TRDMT1: variants seen among roughly 807,000 people sequenced by gnomAD.
TRDMT1 encodes the protein tRNA (cytosine(38)-C(5))-methyltransferase.
Under a neutral mutation model 51.2 loss-of-function variants are expected in TRDMT1, and 49 were observed. The observed-to-expected ratio is 0.96, with a 90% CI of 0.76 to 1.21. TRDMT1 has a LOEUF of 1.21. Ranked by LOEUF, TRDMT1 falls within the 50% of genes most tolerant of loss-of-function variation. The pLI is 0.00. For synonymous variants in TRDMT1, 187 were observed against 164.6 expected (o/e 1.14, Z -1.04); for missense variants, 534 against 462.3 (o/e 1.16, Z -1.42).
chr10:17,173,650 A>G (rs35630951), intron 2 of TRDMT1, among the ~76,000 whole-genome samples: 43,639 of 152,058 alleles, frequency 0.29, 6,476 homozygotes, highest in Middle Eastern at 0.39. Flanking sequence ...TCGAAACTCA[A>G]ACTGCCCACT....
intron 7 of TRDMT1, among the ~76,000 whole-genome samples, 171 bp from the exon 8 acceptor site, chr10:17,157,955 A>T (rs1839792458): frequency 6.6e-6 from 1 of 152,206 alleles, no homozygotes. Flanking sequence ...CACGTTATTA[A>T]TCATATAGCT....
chr10:17,149,169 A>G lies in TRDMT1; in HGVS notation c.1076-29T>C, dbSNP rs763252735. On this transcript the variant is annotated intron_variant, in intron 10 of 10. Coordinates refer to ENST00000377799, the MANE Select transcript of TRDMT1 (RefSeq NM_004412.7). ...AAAAGACAAAGAACAATTTAAAGAA[A>G]TCATTTGTAATCACAATTTCCAGAG... The G allele has an allele frequency of 6.5e-6, 10 of 1,527,490 alleles. No individual in the cohort carries two copies. In the South Asian group the frequency reaches 1.0e-4, roughly 16 times the overall value. The allele number at this position is 1,527,490 out of a possible 1,614,324, so 94.6% of individuals were successfully genotyped here. A position where few individuals can be genotyped will look rare whatever the true frequency, so the allele number is the denominator to read the frequency against.
intron 8 of TRDMT1, among the ~76,000 whole-genome samples, chr10:17,157,176 G>A (rs547482207): frequency 2.8e-4 from 42 of 152,056 alleles, no homozygotes; most frequent in Non-Finnish European, 4.1e-4. Context: ...TCTCCACTAC[G>A]GGTATTTAAG....
At chr10:17,154,625 C>T in intron 9 of TRDMT1, 52 bp downstream of exon 9, 1 of 1,439,602 alleles carries the variant, frequency 6.9e-7, no homozygotes. Context: ...AAGTATTAAA[C>T]AATTTTAGTT....
At chr10:17,160,832 C>T (rs534756872) in intron 5 of TRDMT1, among the ~76,000 whole-genome samples, 1 of 152,254 alleles carries the variant, frequency 6.6e-6, no homozygotes, top group Non-Finnish European at 1.5e-5. Context: ...AATGACCCTA[C>T]GTTTTTACTA....
Position 17,145,891 on chromosome 10 carries a change from T to C in TRDMT1, c.*3149A>G, listed in dbSNP as rs1460899686. ...TCTGCTATGGCTAAAATTAAATCAGTTGTATTTATCTTTAGTTCATTTCTC... is the reference window on the plus strand; with the variant it reads ...TCTGCTATGGCTAAAATTAAATCAGCTGTATTTATCTTTAGTTCATTTCTC... On this transcript the variant is annotated 3_prime_UTR_variant, in exon 11 of 11. Coordinates refer to ENST00000377799, the MANE Select transcript of TRDMT1 (RefSeq NM_004412.7). The C allele has an allele frequency of 3.0e-6, 3 of 985,292 alleles. No individual in the cohort carries two copies. The highest frequency in any genetic ancestry group is 3.6e-6 in the Non-Finnish European group (3 of 829,920). 61.0% of individuals were successfully genotyped at this position (985,292 alleles called of 1,614,324 possible). A position where few individuals can be genotyped will look rare whatever the true frequency, so the allele number is the denominator to read the frequency against.
In TRDMT1 at chr10:17,148,112, C is replaced by A; in HGVS notation, c.*928G>T. Reference sequence around the variant, plus strand: ...TGCAAGACTTAGTTTGATTAGAAACCCTAATTCCAAGAGGTCTGCTGAGGA... The same window carrying A: ...TGCAAGACTTAGTTTGATTAGAAACACTAATTCCAAGAGGTCTGCTGAGGA... On this transcript the variant is annotated 3_prime_UTR_variant, in exon 11 of 11. Transcript: ENST00000377799. 1 of 985,078 alleles carries A rather than the reference C, an allele frequency of 1.0e-6. No individual in the cohort carries two copies. Among genetic ancestry groups the A allele is most frequent in the Non-Finnish European group, 1.2e-6 (1 of 829,886 alleles). The allele number at this position is 985,078 out of a possible 1,614,324, so 61.0% of individuals were successfully genotyped here.
Position 17,152,240 on chromosome 10 carries a change from T to C in TRDMT1, c.1075+1267A>G. On this transcript the variant is annotated intron_variant, in intron 10 of 10. Coordinates refer to ENST00000377799, the MANE Select transcript of TRDMT1 (RefSeq NM_004412.7). ...AAACTACAAGGAAAGTTTGTGTTTT[T>C]CTTAAACAACACTCCCCAGGATATT... The C allele has an allele frequency of 6.4e-6, 3 of 471,810 alleles. No individual in the cohort carries two copies. In the South Asian group the frequency reaches 7.6e-5, roughly 12 times the overall value. The allele number at this position is 471,810 out of a possible 1,614,324, so 29.2% of individuals were successfully genotyped here. A position where few individuals can be genotyped will look rare whatever the true frequency, so the allele number is the denominator to read the frequency against.
intron 3 of TRDMT1, among the ~76,000 whole-genome samples, chr10:17,164,259 G>A (rs552014079): frequency 2.0e-5 from 3 of 152,168 alleles, no homozygotes; most frequent in South Asian, 4.1e-4. Flanking sequence ...CAGAACCAAC[G>A]ACAAAAACCA....
chr10:17,151,092 T>A, intron 10 of TRDMT1: 1 of 828,114 alleles, frequency 1.2e-6, no homozygotes. Flanking sequence ...TTTTTGCCAC[T>A]GAAAGTAAAG....
intron 1 of TRDMT1, among the ~76,000 whole-genome samples, chr10:17,192,677 A>T (rs1403403365): frequency 2.0e-5 from 3 of 152,228 alleles, no homozygotes; most frequent in African/African-American, 4.8e-5. Context: ...GTTTTAAGCC[A>T]AACAGCTTCT....
At chr10:17,153,903 A>G (rs1038078268) in intron 9 of TRDMT1, among the ~76,000 whole-genome samples, 9 of 152,234 alleles carry the variant, frequency 5.9e-5, no homozygotes, top group Non-Finnish European at 5.9e-5. Context: ...AAATCATAAG[A>G]GTATAAACAA....
intron 1 of TRDMT1, among the ~76,000 whole-genome samples, chr10:17,181,733 T>C (rs1843307464): frequency 2.0e-5 from 3 of 152,214 alleles, no homozygotes; most frequent in Admixed American, 2.0e-4. Flanking sequence ...ATTCTATTTA[T>C]GTTACAAATG....
At chr10:17,185,711 G>C (rs1330518996) in intron 1 of TRDMT1, among the ~76,000 whole-genome samples, 3 of 152,062 alleles carry the variant, frequency 2.0e-5, no homozygotes, top group Admixed American at 6.6e-5. Flanking sequence ...TATACACCAC[G>C]GAATACTATG....
intron 1 of TRDMT1, among the ~76,000 whole-genome samples, chr10:17,195,709 G>A (rs1211905640): frequency 6.6e-6 from 1 of 152,072 alleles, no homozygotes; most frequent in African/African-American, 2.4e-5. Flanking sequence ...CTAATGGGAA[G>A]TTAAAGTTCT....
At chr10:17,179,963 G>A (rs986754139) in intron 1 of TRDMT1, among the ~76,000 whole-genome samples, 4 of 152,070 alleles carry the variant, frequency 2.6e-5, no homozygotes, top group South Asian at 2.1e-4. Context: ...ATTTGGAGGA[G>A]GATAGTCCCA....
chr10:17,183,320 C>G (rs918046859), intron 1 of TRDMT1, among the ~76,000 whole-genome samples: 3 of 152,162 alleles, frequency 2.0e-5, no homozygotes, highest in Admixed American at 6.5e-5. Context: ...CAGAGGCTAT[C>G]CCCTGGTGGT....
rs566548791 is a variant in TRDMT1 at position 17,143,973 on chromosome 10, C to A, written c.*5067G>T. On this transcript the variant is annotated 3_prime_UTR_variant, in exon 11 of 11. Coordinates refer to ENST00000377799, the MANE Select transcript of TRDMT1 (RefSeq NM_004412.7). The stretch of plus-strand genomic sequence containing the variant: ...GATATCCAAGTTAAAAATGTCCCAG[C>A]ATGAAGATTCTAGAATAGGACTTAG... The A allele has an allele frequency of 1.0e-6, 1 of 985,262 alleles. No individual in the cohort carries two copies. Among genetic ancestry groups the A allele is most frequent in the Admixed American group, 6.1e-5 (1 of 16,264 alleles). The allele number at this position is 985,262 out of a possible 1,614,324, so 61.0% of individuals were successfully genotyped here. A position where few individuals can be genotyped will look rare whatever the true frequency, so the allele number is the denominator to read the frequency against.
intron 2 of TRDMT1, chr10:17,169,535 C>G (rs1278176428): frequency 7.8e-7 from 1 of 1,289,560 alleles, no homozygotes; most frequent in Non-Finnish European, 1.0e-6. Flanking sequence ...TGTGTTGCTC[C>G]TTTTCTATAT....
Sources: gnomAD v4.1 joint callset for allele counts (sites outside exome capture counted in the v4.1 genomes callset) on GRCh38, gnomAD v4.1.1 for gene constraint, MANE v1.5 for transcripts, NCBI Gene and HGNC (gene_info 2026-07-23, HGNC 2026-07-21) for gene names.